PCDHGA4: variants seen among roughly 807,000 people sequenced by gnomAD.
The protein encoded by PCDHGA4 is protocadherin gamma-A4.
A neutral mutation model predicts 54.6 loss-of-function variants in PCDHGA4; 38 were observed. The ratio of observed to expected loss-of-function variants is 0.70; its 90% CI spans 0.54 to 0.91. PCDHGA4 has a LOEUF of 0.91. Among genes scored for constraint, PCDHGA4 ranks in the 40% least tolerant of loss-of-function variants. The pLI is 0.00. For synonymous variants in PCDHGA4, 511 were observed against 512.9 expected (o/e 1.00, Z 0.05); for missense variants, 1,298 against 1,220.9 (o/e 1.06, Z -0.94).
intron 2 of PCDHGA4, among the ~76,000 whole-genome samples, chr5:141,504,689 G>A (rs1395389800): frequency 6.6e-6 from 1 of 151,502 alleles, no homozygotes; most frequent in South Asian, 2.1e-4. Context: ...TAAAATAGGA[G>A]GGGCAGGTTC....
chr5:141,395,364 A>G, intron 1 of PCDHGA4: 1 of 1,264,440 alleles, frequency 7.9e-7, no homozygotes, highest in Non-Finnish European at 1.1e-6. Flanking sequence ...TTTTGGGTTT[A>G]TTTTGGTGGT....
At chr5:141,369,393 A>G (rs113516317) in intron 1 of PCDHGA4, among the ~76,000 whole-genome samples, 5 of 152,198 alleles carry the variant, frequency 3.3e-5, no homozygotes, top group Non-Finnish European at 7.4e-5. Context: ...CATTTGGGCC[A>G]GGGTGGTTCA....
At chr5:141,429,657 A>G (rs1455808092) in intron 1 of PCDHGA4, among the ~76,000 whole-genome samples, 1 of 152,232 alleles carries the variant, frequency 6.6e-6, no homozygotes, top group African/African-American at 2.4e-5. Flanking sequence ...TTCCCAATTT[A>G]AAATATATTA....
Position 141,355,760 on chromosome 5 carries a change from A to G in PCDHGA4, c.653A>G (p.Asp218Gly). 6.2e-7 allele frequency: 1 copy of G among 1,613,936 alleles called. No homozygotes were observed. The highest frequency in any genetic ancestry group is 8.5e-7 in the Non-Finnish European group (1 of 1,179,878). The stretch of plus-strand genomic sequence containing the variant: ...TCCCTGGACGTGCAAAGTGGGGCCG[A>G]TGGGATTAAGTACCCAGAGCTGGTG... ...YFSLDVQSGA[D>G]GIKYPELVLE... is the part of the protein sequence containing the mutation. The change falls in exon 1 of 4, where the codon GAT (aspartate) becomes GGT (glycine). Residue 218 changes from aspartate (D) to glycine (G), a missense_variant. By Grantham distance (94) the Asp-to-Gly change is moderately conservative. Transcript: ENST00000571252.
At chr5:141,374,236 T>C in intron 1 of PCDHGA4, 1 of 1,613,974 alleles carries the variant, frequency 6.2e-7, no homozygotes, top group Non-Finnish European at 8.5e-7. Flanking sequence ...TCGTCAAGGA[T>C]CTGGGACTGG....
intron 1 of PCDHGA4, chr5:141,365,998 C>T (rs374639173): frequency 1.0e-4 from 166 of 1,614,116 alleles, no homozygotes; most frequent in Non-Finnish European, 1.2e-4. Context: ...TGGACCAGAA[C>T]GACAATACGC....
Position 141,356,581 on chromosome 5 carries a change from A to T in PCDHGA4, c.1474A>T (p.Ile492Phe), listed in dbSNP as rs762640676. 1 of 1,614,132 alleles carries T rather than the reference A, an allele frequency of 6.2e-7. No homozygotes were observed. Among genetic ancestry groups the T allele is most frequent in the East Asian group, 2.2e-5 (1 of 44,880 alleles). ...CCCTCATGCTTCCTACTCTGCTTAC[A>T]TTCCTGAAAACAACCCCAGAGGAGC... is the stretch of plus-strand genomic sequence containing the variant. Reference protein sequence around the residue: ...TFPHASYSAYIPENNPRGASI... With the variant: ...TFPHASYSAYFPENNPRGASI... The change falls in exon 1 of 4, where the codon ATT becomes TTT. Residue 492 changes from isoleucine (I) to phenylalanine (F), a missense_variant. Ile to Phe is a conservative substitution (Grantham distance 21, BLOSUM62 0). Transcript: ENST00000571252.
At position 141,365,079 on chromosome 5, in the gene PCDHGA4, G is replaced by A. The variant is rs748153099; in HGVS notation, c.2514+7458G>A. 1.9e-5 allele frequency: 31 copies of A among 1,613,864 alleles called. No homozygotes were observed. The South Asian group carries it at 3.4e-4, about 18-fold the overall frequency. On this transcript the variant is annotated intron_variant, in intron 1 of 3. Coordinates refer to ENST00000571252, the MANE Select transcript of PCDHGA4 (RefSeq NM_018917.4). ...TTCACCCCATCCGAGTACAGCGTGAGTGTTCCAGAGAACATACCTGTGGGC... is the reference window on the plus strand; with the variant it reads ...TTCACCCCATCCGAGTACAGCGTGAATGTTCCAGAGAACATACCTGTGGGC...
chr5:141,375,941 G>T, intron 1 of PCDHGA4: 1 of 1,613,580 alleles, frequency 6.2e-7, no homozygotes, highest in South Asian at 1.1e-5. Flanking sequence ...TTTCTCAGTG[G>T]GCCTGCACAC....
At chr5:141,456,701 G>C (rs370086323) in intron 1 of PCDHGA4, among the ~76,000 whole-genome samples, 1 of 151,988 alleles carries the variant, frequency 6.6e-6, no homozygotes. Flanking sequence ...GTGGTGGCTC[G>C]CGCCTGTAAT....
chr5:141,388,056 G>A lies in PCDHGA4; in HGVS notation c.2514+30435G>A, dbSNP rs1192724751. 2.2e-6 allele frequency: 3 copies of A among 1,386,286 alleles called. No individual in the cohort carries two copies. In the Admixed American group the frequency reaches 6.2e-5, roughly 29 times the overall value. 85.9% of individuals were successfully genotyped at this position (1,386,286 alleles called of 1,614,324 possible). A position where few individuals can be genotyped will look rare whatever the true frequency, so the allele number is the denominator to read the frequency against. On this transcript the variant is annotated intron_variant, in intron 1 of 3. Coordinates refer to ENST00000571252, the MANE Select transcript of PCDHGA4 (RefSeq NM_018917.4). ...CCTCGCCACGGACCTGGGGTTCAGC[G>A]TCCAGGAGTTACCGACTCGAAAACT...
chr5:141,369,151 T>C (rs1013865524), intron 1 of PCDHGA4, among the ~76,000 whole-genome samples: 6 of 152,206 alleles, frequency 3.9e-5, no homozygotes, highest in African/African-American at 1.4e-4. Context: ...GGCATGTTAT[T>C]GACCAGGGAA....
rs755018283 is a variant in PCDHGA4, at chr5:141,365,965, C to T, written c.2514+8344C>T. ...GTGGGAACCCTCCACTTAGCAGCAACGTGTCGCTGAGCCTGTTTGTGCTGG... is the reference window on the plus strand; with the variant it reads ...GTGGGAACCCTCCACTTAGCAGCAATGTGTCGCTGAGCCTGTTTGTGCTGG... On this transcript the variant is annotated intron_variant, in intron 1 of 3. Coordinates refer to ENST00000571252, the MANE Select transcript of PCDHGA4 (RefSeq NM_018917.4). 6 of 1,614,114 alleles carry T rather than the reference C, an allele frequency of 3.7e-6. No homozygotes were observed. The Admixed American group carries it at 8.3e-5, about 22-fold the overall frequency.
chr5:141,374,250 C>T lies in PCDHGA4; in HGVS notation c.2514+16629C>T, dbSNP rs533179881. The T allele has an allele frequency of 2.5e-6, 4 of 1,613,890 alleles. No homozygotes were observed. The African/African-American group carries it at 5.3e-5, about 22-fold the overall frequency. ...ATCGTCAAGGATCTGGGACTGGAGC[C>T]CCAGGAGTTGGCGGAGCACGGAGTC... On this transcript the variant is annotated intron_variant, in intron 1 of 3. Transcript: ENST00000571252.
intron 1 of PCDHGA4, chr5:141,371,291 G>C: frequency 6.2e-7 from 1 of 1,613,976 alleles, no homozygotes; most frequent in Non-Finnish European, 8.5e-7. Context: ...GTAAAACGGG[G>C]GAACTCACCA....
rs992592523 is a variant in PCDHGA4 at position 141,432,710 on chromosome 5, C to T, written c.2515-62097C>T. ...CGTAGTGGCCGTCCAGGACCACGGC[C>T]AGCCCCCTCTCTCCGCCACTGTCAC... On this transcript the variant is annotated intron_variant, in intron 1 of 3. Coordinates refer to ENST00000571252, the MANE Select transcript of PCDHGA4 (RefSeq NM_018917.4). This position sits in a 1 kb window ranked among gnomAD's most constrained non-coding sequence, Gnocchi z 6.0. The T allele has an allele frequency of 6.2e-7, 1 of 1,613,884 alleles. No homozygotes were observed.
At chr5:141,418,844 A>G (rs781310201) in intron 1 of PCDHGA4, 2 of 1,613,936 alleles carry the variant, frequency 1.2e-6, no homozygotes, top group South Asian at 2.2e-5. Context: ...ATCTCTCTCA[A>G]CACGGTGTAA....
chr5:141,426,276 C>A, intron 1 of PCDHGA4: 1 of 164,340 alleles, frequency 6.1e-6, no homozygotes, highest in South Asian at 1.6e-4. Context: ...TGCAGCAACG[C>A]ATGGGAAGGA....
Position 141,477,952 on chromosome 5 carries a change from A to T in PCDHGA4, c.2515-16855A>T, listed in dbSNP as rs907708638. ...CCTGGCTCTCCTACAGTCTCTTGGG[A>T]TCCCCTAACCAGAGCCTTTTTGCCA... On this transcript the variant is annotated intron_variant, in intron 1 of 3. Coordinates refer to ENST00000571252, the MANE Select transcript of PCDHGA4 (RefSeq NM_018917.4). This position sits in a 1 kb window ranked among gnomAD's most constrained non-coding sequence, Gnocchi z 4.9. The T allele has an allele frequency of 1.9e-6, 3 of 1,613,920 alleles. No individual in the cohort carries two copies. The African/African-American group carries it at 4.0e-5, about 22-fold the overall frequency.
Sources: allele counts gnomAD v4.1 joint callset (sites outside exome capture counted in the v4.1 genomes callset), GRCh38; gene constraint gnomAD v4.1.1; non-coding constraint Gnocchi (gnomAD v3.1); transcripts MANE v1.5; gene names NCBI Gene and HGNC (gene_info 2026-07-23, HGNC 2026-07-21).